GRAMD1B: variants seen among roughly 807,000 people sequenced by gnomAD.
The protein encoded by GRAMD1B is GRAM domain containing 1B.
In GRAMD1B, 37 loss-of-function variants were observed where a neutral mutation model predicts 99.7. The ratio of observed to expected loss-of-function variants is 0.37; its 90% CI spans 0.29 to 0.49. The LOEUF is 0.49. Ranked by LOEUF, GRAMD1B falls within the 20% of genes least tolerant of loss-of-function variation. GRAMD1B has a pLI of 0.98. For missense variants in GRAMD1B, 888 were observed against 1,009.2 expected, an observed-to-expected ratio of 0.88 and a Z score of 1.63; for synonymous variants, 427 against 387.6, an observed-to-expected ratio of 1.10 and a Z score of -1.19.
chr11:123,501,761 T>C (rs1172618967), intron 2 of GRAMD1B, among the ~76,000 whole-genome samples: 1 of 152,190 alleles, frequency 6.6e-6, no homozygotes, highest in African/African-American at 2.4e-5. Flanking sequence ...TTCGGCCAAA[T>C]AGGATTTTTT....
intron 8 of GRAMD1B, among the ~76,000 whole-genome samples, chr11:123,600,792 T>G (rs1224951225): frequency 6.6e-6 from 1 of 152,106 alleles, no homozygotes; most frequent in African/African-American, 2.4e-5. Flanking sequence ...TCTAATCAGT[T>G]ATGGTAATGC....
At chr11:123,580,826 C>A (rs780918194) in intron 3 of GRAMD1B, among the ~76,000 whole-genome samples, 3 of 152,160 alleles carry the variant, frequency 2.0e-5, no homozygotes, top group South Asian at 2.1e-4. Context: ...CGCCTCCTCC[C>A]GCCCTGCTGC....
intron 2 of GRAMD1B, among the ~76,000 whole-genome samples, chr11:123,556,798 T>G (rs1037660361): frequency 6.6e-6 from 1 of 152,182 alleles, no homozygotes; most frequent in Non-Finnish European, 1.5e-5. Flanking sequence ...GTTGGCTTTG[T>G]TAGGATTGCA....
At chr11:123,519,476 C>G (rs936434807) in intron 2 of GRAMD1B, among the ~76,000 whole-genome samples, 1 of 152,172 alleles carries the variant, frequency 6.6e-6, no homozygotes, top group Non-Finnish European at 1.5e-5. Flanking sequence ...GTTCCTCCCC[C>G]GCTGCTCCTC....
chr11:123,464,987 T>C (rs921050146), intron 1 of GRAMD1B, among the ~76,000 whole-genome samples: 1 of 152,068 alleles, frequency 6.6e-6, no homozygotes, highest in African/African-American at 2.4e-5. Context: ...GGCTGTGCGA[T>C]GAGCCTAGGG....
At chr11:123,402,852 A>G (rs1320871038) in intron 1 of GRAMD1B, among the ~76,000 whole-genome samples, 2 of 152,086 alleles carry the variant, frequency 1.3e-5, no homozygotes, top group Non-Finnish European at 2.9e-5. Flanking sequence ...GGGTGTGTAA[A>G]TTATTTCCAC....
chr11:123,599,096 A>T lies in GRAMD1B; in HGVS notation c.970-1372A>T, dbSNP rs754152418. ...CCGAGTTTTGTGCCTCTTCACTTGG[A>T]TTCTCTCGAGCCTTCAGGAGCTCCT... On this transcript the variant is annotated intron_variant, in intron 7 of 19. Transcript: ENST00000635736. 2.4e-4 allele frequency: 217 copies of T among 898,804 alleles called. 1 individual carries two copies. The highest frequency in any genetic ancestry group is 3.4e-4 in the Non-Finnish European group (179 of 528,812). The allele number at this position is 898,804 out of a possible 1,614,324, so 55.7% of individuals were successfully genotyped here. A position where few individuals can be genotyped will look rare whatever the true frequency, so the allele number is the denominator to read the frequency against.
intron 1 of GRAMD1B, among the ~76,000 whole-genome samples, chr11:123,370,856 A>G (rs1005528969): frequency 4.6e-5 from 7 of 152,250 alleles, no homozygotes; most frequent in African/African-American, 1.4e-4. Context: ...CTCAATCTGC[A>G]CCATACCCCA....
chr11:123,490,334 G>A (rs542366173), intron 2 of GRAMD1B, among the ~76,000 whole-genome samples: 5 of 152,150 alleles, frequency 3.3e-5, no homozygotes, highest in African/African-American at 1.2e-4. Flanking sequence ...CAGGCGCTTC[G>A]ATGGCCAGGA....
chr11:123,370,191 T>C (rs1333443083), intron 1 of GRAMD1B, among the ~76,000 whole-genome samples: 5 of 151,604 alleles, frequency 3.3e-5, no homozygotes, highest in Non-Finnish European at 5.9e-5. Flanking sequence ...GATGCATGCC[T>C]GTAAGTCCTA....
intron 1 of GRAMD1B, among the ~76,000 whole-genome samples, chr11:123,476,964 A>C (rs912985370): frequency 2.0e-5 from 3 of 152,244 alleles, no homozygotes; most frequent in Admixed American, 6.5e-5. Flanking sequence ...AAATATAGTT[A>C]TTTATATTGA....
At chr11:123,488,357 G>A (rs73025984) in intron 2 of GRAMD1B, among the ~76,000 whole-genome samples, 14,833 of 152,148 alleles carry the variant, frequency 0.097, 811 homozygotes, top group Middle Eastern at 0.12. Context: ...TAGCCCCTCC[G>A]GGGCTGTGGA....
chr11:123,383,943 T>C lies in GRAMD1B; in HGVS notation c.-176+25144T>C, dbSNP rs182942643. Among the ~76,000 whole-genome samples the C allele has an allele frequency of 2.0e-3, 304 of 152,282 alleles. 1 individual carries two copies. The highest frequency in any genetic ancestry group is 7.1e-3 in the African/African-American group (294 of 41,556). On this transcript the variant is annotated intron_variant, in intron 1 of 20. Transcript: ENST00000638157. ...TGGAGTGCAGTGACGCGATCTCAGC[T>C]CACTGCAACCTCCACCTCCTGGGTT... is the stretch of plus-strand genomic sequence containing the variant.
In GRAMD1B at chr11:123,472,484, G is replaced by A. The variant is rs145973310; in HGVS notation, c.375-8332G>A. On this transcript the variant is annotated intron_variant, in intron 1 of 19. Coordinates refer to ENST00000635736, the MANE Select transcript of GRAMD1B (RefSeq NM_001387025.1). ...TTGTCTGGGGTAATACCCAAGGTTC[G>A]TCATCTCATGCCAAGAAAATTAAGG... Among the ~76,000 whole-genome samples, 924 of 152,190 alleles carry A rather than the reference G, an allele frequency of 6.1e-3. 3 individuals carry two copies. Among genetic ancestry groups the A allele is most frequent in the African/African-American group, 0.014 (591 of 41,494 alleles).
intron 1 of GRAMD1B, among the ~76,000 whole-genome samples, chr11:123,403,729 A>G (rs1368265948): frequency 6.6e-6 from 1 of 151,544 alleles, no homozygotes; most frequent in African/African-American, 2.4e-5. Context: ...TTTTTAGTAG[A>G]GAGGGGGTTT....
chr11:123,598,145 A>T, intron 7 of GRAMD1B: 1 of 1,576,632 alleles, frequency 6.3e-7, no homozygotes, highest in East Asian at 2.2e-5. Context: ...CAAACACCTC[A>T]TGCCATGCCA....
At chr11:123,467,841 C>CCCTTCCTTCCTTCCTTCCTTCCTTCCTT (rs555769504) in intron 1 of GRAMD1B, among the ~76,000 whole-genome samples, 2 of 109,270 alleles carry the variant, frequency 1.8e-5, no homozygotes, top group Non-Finnish European at 3.6e-5. Context: ...CTCCCTCCCT[C>CCCTTCCTTCCTTCCTTCCTTCCTTCCTT]CCTTCCTTCC....
intron 12 of GRAMD1B, among the ~76,000 whole-genome samples, chr11:123,609,243 T>A (rs1487564402): frequency 6.6e-6 from 1 of 152,194 alleles, no homozygotes; most frequent in African/African-American, 2.4e-5. Context: ...CCTGACCTCA[T>A]GCAGCTAAGA....
At chr11:123,477,904 A>G (rs112990071) in intron 1 of GRAMD1B, among the ~76,000 whole-genome samples, 2 of 150,632 alleles carry the variant, frequency 1.3e-5, no homozygotes, top group African/African-American at 4.9e-5. Flanking sequence ...TCTCCCAAGT[A>G]GCTGGGATTA....
Sources: gnomAD v4.1 joint callset for allele counts (sites outside exome capture counted in the v4.1 genomes callset) on GRCh38, gnomAD v4.1.1 for gene constraint, MANE v1.5 for transcripts, NCBI Gene and HGNC (gene_info 2026-07-23, HGNC 2026-07-21) for gene names.